Variants in SPAG5 observed in about 807,000 individuals in gnomAD.
The protein encoded by SPAG5 is sperm-associated antigen 5.
A neutral mutation model predicts 145.4 loss-of-function variants in SPAG5; 99 were observed. The observed-to-expected ratio is 0.68, with a 90% CI of 0.58 to 0.80. SPAG5 has a LOEUF of 0.80. SPAG5 is among the 30% of genes least tolerant of loss of function. The probability of loss-of-function intolerance (pLI) is 0.00; values close to 1 mark genes in which losing one functional copy is unlikely to be tolerated. For missense variants in SPAG5, 1,192 were observed against 1,416.0 expected (o/e 0.84, Z 2.54); for synonymous variants, 477 against 525.4 (o/e 0.91, Z 1.26).
At chr17:28,598,764 C>G (rs1229124950) in intron 1 of SPAG5, 129 bp from the exon 2 acceptor site, 43 of 1,513,152 alleles carry the variant, frequency 2.8e-5, no homozygotes, top group Middle Eastern at 1.8e-4. Context: ...CGCGCAGGAG[C>G]AGCAAGGCGA....
Position 28,577,645 on chromosome 17 carries a change from G to T in SPAG5, c.*54C>A, listed in dbSNP as rs1276907859. 8.0e-7 allele frequency: 1 copy of T among 1,250,580 alleles called. No homozygotes were observed. The highest frequency in any genetic ancestry group is 1.2e-6 in the Non-Finnish European group (1 of 848,656). The allele number at this position is 1,250,580 out of a possible 1,614,324, so 77.5% of individuals were successfully genotyped here. ...TATGCCAGTTGGTCTTGGTATTGGGGTAAGGGGGTATTGCAGGTAAAAAGA... is the reference window on the plus strand; with the variant it reads ...TATGCCAGTTGGTCTTGGTATTGGGTTAAGGGGGTATTGCAGGTAAAAAGA... On this transcript the variant is annotated 3_prime_UTR_variant, in exon 24 of 24. Coordinates refer to ENST00000321765, the MANE Select transcript of SPAG5 (RefSeq NM_006461.4).
In SPAG5 at chr17:28,598,720, A is replaced by G. The variant is rs534149309; in HGVS notation, c.52-85T>C. 3,681 of 1,544,434 alleles carry G rather than the reference A, an allele frequency of 2.4e-3. 2 individuals are homozygous for G. The highest frequency in any genetic ancestry group is 3.0e-3 in the Non-Finnish European group (3,466 of 1,137,176). On this transcript the variant is annotated intron_variant, in intron 1 of 23. Coordinates refer to ENST00000321765, the MANE Select transcript of SPAG5 (RefSeq NM_006461.4). ...CCCTCCTCCCTCCCTAAGAAGCCCAAAATGCGATTAGAAGAGTACGCTCGC... is the reference window on the plus strand; with the variant it reads ...CCCTCCTCCCTCCCTAAGAAGCCCAGAATGCGATTAGAAGAGTACGCTCGC...
At chr17:28,587,703 G>T (rs2070594959) in intron 4 of SPAG5, among the ~76,000 whole-genome samples, 1 of 133,802 alleles carries the variant, frequency 7.5e-6, no homozygotes, top group African/African-American at 2.9e-5. Context: ...GGGTAACAGA[G>T]TGAGACCTCG....
At chr17:28,596,443 G>A (rs531298360) in intron 2 of SPAG5, among the ~76,000 whole-genome samples, 5 of 151,956 alleles carry the variant, frequency 3.3e-5, no homozygotes, top group African/African-American at 7.2e-5. Context: ...TGAGGTGGGC[G>A]GATCACCTGA....
In SPAG5 at chr17:28,583,905, G is replaced by A. The variant is rs780067084; in HGVS notation, c.2494C>T (p.Arg832Trp). The A allele has an allele frequency of 1.8e-5, 29 of 1,613,992 alleles. No homozygotes were observed. The highest frequency in any genetic ancestry group is 2.2e-5 in the East Asian group (1 of 44,906). The change falls in exon 14 of 24, where the codon CGG (arginine) becomes TGG (tryptophan). Residue 832 changes from arginine to tryptophan, a missense_variant. Arg to Trp is a moderately radical substitution (Grantham distance 101). Coordinates refer to ENST00000321765, the MANE Select transcript of SPAG5 (RefSeq NM_006461.4). ...TTCTCACACTGCAAGCTGCGCTCCC[G>A]GAGCACTTCCAGTGTGGTTTTCAAT... is the stretch of plus-strand genomic sequence containing the variant. ...CQLKTTLEVL[R>W]ERSLQCENLK...
In SPAG5 at chr17:28,578,364, C is replaced by CT. The variant is rs1196563383; in HGVS notation, c.3354+8dup. 1 of 1,614,156 alleles carries CT rather than the reference C, an allele frequency of 6.2e-7. No homozygotes were observed. The highest frequency in any genetic ancestry group is 2.2e-5 in the East Asian group (1 of 44,882). ...CTGCTGTCCAGCTCCTCTGTTAACT[C>CT]TGAGTCACCTCCTGAGAGAGCCACA... On this transcript the variant is annotated intron_variant, in intron 21 of 23. Coordinates refer to ENST00000321765, the MANE Select transcript of SPAG5 (RefSeq NM_006461.4).
chr17:28,595,178 A>C (rs1567627384), intron 2 of SPAG5, among the ~76,000 whole-genome samples: 1 of 151,566 alleles, frequency 6.6e-6, no homozygotes, highest in African/African-American at 2.4e-5. Context: ...GAATCGCTTG[A>C]ATCTGGGAAG....
chr17:28,597,803 A>G (rs1384371013), intron 2 of SPAG5, among the ~76,000 whole-genome samples: 2 of 152,238 alleles, frequency 1.3e-5, no homozygotes, highest in Non-Finnish European at 2.9e-5. Flanking sequence ...GTGATGATCC[A>G]GTTTGGCCTT....
At chr17:28,579,693 T>G (rs1464528505) in intron 17 of SPAG5, 58 bp downstream of exon 17, 8 of 1,536,240 alleles carry the variant, frequency 5.2e-6, no homozygotes, top group Non-Finnish European at 9.0e-7. Context: ...CTTTCGTCTT[T>G]ACTCATCACC....
intron 13 of SPAG5, 62 bp from the exon 14 acceptor site, chr17:28,584,048 G>C: frequency 3.1e-6 from 5 of 1,608,592 alleles, no homozygotes; most frequent in Non-Finnish European, 4.3e-6. Context: ...GGGTACAGAG[G>C]CTTTTTCTAG....
At position 28,591,264 on chromosome 17, in the gene SPAG5, G is replaced by C. The variant is rs181899992; in HGVS notation, c.1437+434C>G. Among the ~76,000 whole-genome samples the C allele has an allele frequency of 3.3e-5, 5 of 152,294 alleles. No homozygotes were observed. The East Asian group carries it at 9.6e-4, about 29-fold the overall frequency. Reference sequence around the variant, plus strand: ...CCCAGGGGTAGAGTGACTACCCACAGCTTTAAGGGGATTTTCCAGATCCTC... The same window carrying C: ...CCCAGGGGTAGAGTGACTACCCACACCTTTAAGGGGATTTTCCAGATCCTC... On this transcript the variant is annotated intron_variant, in intron 4 of 23. Coordinates refer to ENST00000321765, the MANE Select transcript of SPAG5 (RefSeq NM_006461.4).
chr17:28,584,197 G>A lies in SPAG5; in HGVS notation c.2365C>T (p.Gln789Ter). ...CGCACCTCTTTGGCCAGGACAGCTT[G>A]TTGCTGCTGCAGTTCTGCCTGCATG... is the stretch of plus-strand genomic sequence containing the variant. Reference protein sequence around the residue: ...KHMQAELQQQQAVLAKEVRDL... With the variant: ...KHMQAELQQQ The change falls in exon 13 of 24, where the codon CAA (glutamine) becomes TAA (stop). Residue 789 changes from glutamine (Q) to a stop codon, truncating the protein, a stop_gained. Transcript: ENST00000321765. LOFTEE classifies it high-confidence loss of function. 1 of 1,613,976 alleles carries A rather than the reference G, an allele frequency of 6.2e-7. No homozygotes were observed. The highest frequency in any genetic ancestry group is 8.5e-7 in the Non-Finnish European group (1 of 1,180,036).
chr17:28,585,324 G>GT lies in SPAG5; in HGVS notation c.1947dup (p.Leu650ThrfsTer32). On this transcript the variant is annotated frameshift_variant, in exon 9 of 24. Coordinates refer to ENST00000321765, the MANE Select transcript of SPAG5 (RefSeq NM_006461.4). LOFTEE classifies it high-confidence loss of function. ...TGATGGTCCCAAATACTCACATCCA[G>GT]TTGCATGGACCTCCAGTCTTGTTGC... The GT allele has an allele frequency of 6.2e-7, 1 of 1,613,984 alleles. No homozygotes were observed. The highest frequency in any genetic ancestry group is 8.5e-7 in the Non-Finnish European group (1 of 1,179,816).
chr17:28,597,916 C>G (rs985655044), intron 2 of SPAG5, among the ~76,000 whole-genome samples: 7 of 152,152 alleles, frequency 4.6e-5, no homozygotes, highest in African/African-American at 1.7e-4. Context: ...ACAATTTTTC[C>G]AGGCAGTTAG....
At chr17:28,584,560 C>G in intron 11 of SPAG5, 80 bp from the exon 12 acceptor site, 1 of 1,607,250 alleles carries the variant, frequency 6.2e-7, no homozygotes, top group Admixed American at 1.7e-5. Context: ...AGCAAGTGCT[C>G]CTGAGTACTT....
chr17:28,583,829 A>G, intron 14 of SPAG5, 24 bp downstream of exon 14: 1 of 1,594,886 alleles, frequency 6.3e-7, no homozygotes, highest in Non-Finnish European at 8.6e-7. Flanking sequence ...CTTAGGGGGA[A>G]GTACAGAAAG....
At chr17:28,593,563 C>A (rs906798970) in intron 2 of SPAG5, among the ~76,000 whole-genome samples, 1 of 152,036 alleles carries the variant, frequency 6.6e-6, no homozygotes, top group Non-Finnish European at 1.5e-5. Context: ...ACTAAAAATA[C>A]AAACATTAGC....
At chr17:28,591,649 C>T in intron 4 of SPAG5, 49 bp downstream of exon 4, 1 of 1,514,078 alleles carries the variant, frequency 6.6e-7, no homozygotes, top group Non-Finnish European at 9.0e-7. Flanking sequence ...AGCTTAAATT[C>T]CAAGGATCCC....
intron 15 of SPAG5, 53 bp from the exon 16 acceptor site, chr17:28,580,173 G>T: frequency 7.9e-7 from 1 of 1,261,582 alleles, no homozygotes; most frequent in Non-Finnish European, 1.1e-6. Context: ...GAACTCCTGG[G>T]CTTCCAGGTA....
Sources: allele counts gnomAD v4.1 joint callset (sites outside exome capture counted in the v4.1 genomes callset), GRCh38; gene constraint gnomAD v4.1.1; transcripts MANE v1.5; gene names NCBI Gene and HGNC (gene_info 2026-07-23, HGNC 2026-07-21).